The following CAMK1G variants were observed in gnomAD, a reference collection of about 807,000 sequenced individuals.
CAMK1G encodes the protein calcium/calmodulin dependent protein kinase IG, also known as calcium/calmodulin-dependent protein kinase type 1G.
In CAMK1G, 27 loss-of-function variants were observed where a neutral mutation model predicts 54.8. That is an observed-to-expected ratio of 0.49 (90% confidence interval 0.36 to 0.68). CAMK1G has a LOEUF of 0.68. Ranked by LOEUF, CAMK1G falls within the 30% of genes least tolerant of loss-of-function variation. The pLI, the probability that CAMK1G is intolerant of heterozygous loss-of-function variation, is 0.00. For missense variants in CAMK1G, 512 were observed against 591.0 expected (o/e 0.87, Z 1.39); for synonymous variants, 238 against 224.9 (o/e 1.06, Z -0.52).
rs1227708344 is a variant in CAMK1G at position 209,611,418 on chromosome 1, G to A, written c.828-47G>A. On this transcript the variant is annotated intron_variant, in intron 9 of 12. Transcript: ENST00000361322. The stretch of plus-strand genomic sequence containing the variant: ...GGCACCCTGCCCACTCCCTGGATGA[G>A]TGTAAATAGCCACCCAGTAGCCAGG... 14 of 1,579,620 alleles carry A rather than the reference G, an allele frequency of 8.9e-6. No homozygotes were observed. In the East Asian group the frequency reaches 2.9e-4, roughly 33 times the overall value.
chr1:209,606,227 G>A (rs868192880), intron 5 of CAMK1G, 93 bp from the exon 6 acceptor site: 1 of 1,520,814 alleles, frequency 6.6e-7, no homozygotes, highest in Non-Finnish European at 9.0e-7. Flanking sequence ...CAGGAGCCCA[G>A]GGCTCATCTT....
At position 209,611,887 on chromosome 1, in the gene CAMK1G, G is replaced by A. The variant is rs142610896; in HGVS notation, c.1011G>A (p.Pro337=). 2.2e-5 allele frequency: 35 copies of A among 1,614,122 alleles called. No individual in the cohort carries two copies. The highest frequency in any genetic ancestry group is 1.5e-4 in the African/African-American group (11 of 74,942). Residue 337 remains proline (P), a synonymous_variant, in exon 11 of 13, where the codon CCG becomes CCA. Coordinates refer to ENST00000361322, the MANE Select transcript of CAMK1G (RefSeq NM_020439.3). ...PGVRPEVENR[P]PETQASETSR... ...TCCGCCCAGAGGTGGAGAACAGGCCGCCTGAAACTCAAGCCTCAGAAACCT... is the reference window on the plus strand; with the variant it reads ...TCCGCCCAGAGGTGGAGAACAGGCCACCTGAAACTCAAGCCTCAGAAACCT...
chr1:209,593,676 T>C (rs891494351), intron 1 of CAMK1G, among the ~76,000 whole-genome samples: 4 of 116,138 alleles, frequency 3.4e-5, no homozygotes, highest in Non-Finnish European at 8.4e-5. Context: ...TGTAGATAAC[T>C]GGACTCCCAG....
At chr1:209,608,442 A>G (rs1339881471) in intron 7 of CAMK1G, among the ~76,000 whole-genome samples, 2 of 151,832 alleles carry the variant, frequency 1.3e-5, no homozygotes, top group Non-Finnish European at 2.9e-5. Context: ...CCTCTTCCCC[A>G]CCATCCCTCC....
intron 1 of CAMK1G, chr1:209,584,024 A>G (rs983213710): frequency 6.6e-6 from 1 of 152,222 alleles, no homozygotes; most frequent in Non-Finnish European, 1.5e-5. Context: ...TCATGGAAGC[A>G]TTTTGCCCTT....
rs748026804 is a variant in CAMK1G, at chr1:209,595,004, T to C, written c.21T>C (p.Asp7=). The C allele has an allele frequency of 1.9e-6, 3 of 1,613,940 alleles. No individual in the cohort carries two copies. Among genetic ancestry groups the C allele is most frequent in the Admixed American group, 1.7e-5 (1 of 59,986 alleles). The change falls in exon 2 of 13, where the codon GAT becomes GAC. Residue 7 remains aspartate (D), a synonymous_variant. Transcript: ENST00000361322. MGRKEE[D]DCSSWKKQTT... ...AGGCAATGGGTCGAAAGGAAGAAGA[T>C]GACTGCAGTTCCTGGAAGAAACAGA...
intron 1 of CAMK1G, among the ~76,000 whole-genome samples, chr1:209,587,698 C>T (rs1369605805): frequency 5.9e-5 from 9 of 152,016 alleles, no homozygotes; most frequent in Admixed American, 2.0e-4. Context: ...TGCACAGCTA[C>T]GGGATATCAA....
chr1:209,600,183 G>T, intron 3 of CAMK1G, 72 bp downstream of exon 3: 4 of 1,549,848 alleles, frequency 2.6e-6, no homozygotes, highest in Non-Finnish European at 3.5e-6. Context: ...CCTTCAAAAA[G>T]GACTAGGACT....
At chr1:209,605,436 T>C in intron 4 of CAMK1G, 100 bp from the exon 5 acceptor site, 1 of 1,418,794 alleles carries the variant, frequency 7.0e-7, no homozygotes, top group Non-Finnish European at 9.6e-7. Flanking sequence ...GGCCTGCCTG[T>C]TCCACTGCAG....
At chr1:209,597,415 T>C (rs1373663282) in intron 2 of CAMK1G, among the ~76,000 whole-genome samples, 1 of 152,206 alleles carries the variant, frequency 6.6e-6, no homozygotes, top group East Asian at 1.9e-4. Flanking sequence ...CCAATACTAA[T>C]CTTAGTGCCT....
intron 2 of CAMK1G, among the ~76,000 whole-genome samples, chr1:209,599,130 A>G (rs1334870387): frequency 6.6e-6 from 1 of 152,114 alleles, no homozygotes; most frequent in African/African-American, 2.4e-5. Context: ...CCCTTATAAA[A>G]CCATCAGATC....
chr1:209,593,224 A>T (rs1248775802), intron 1 of CAMK1G, among the ~76,000 whole-genome samples: 1 of 152,256 alleles, frequency 6.6e-6, no homozygotes, highest in African/African-American at 2.4e-5. Flanking sequence ...TCTTCACTTA[A>T]TGCTGAATTG....
At chr1:209,603,341 G>T (rs538746229) in intron 4 of CAMK1G, 53 bp downstream of exon 4, 4 of 1,460,210 alleles carry the variant, frequency 2.7e-6, no homozygotes, top group South Asian at 2.3e-5. Flanking sequence ...GGCCTGGGAG[G>T]CCTACAGGAG....
rs1665623880 is a variant in CAMK1G, at chr1:209,605,416, A to G, written c.297-120A>G. ...AGTCTGCTGGCAGCCCTTCAATCACAGTTCATGGGGGCCTGCCTGTTCCAC... is the reference window on the plus strand; with the variant it reads ...AGTCTGCTGGCAGCCCTTCAATCACGGTTCATGGGGGCCTGCCTGTTCCAC... On this transcript the variant is annotated intron_variant, in intron 4 of 12. Transcript: ENST00000361322. 4.2e-6 allele frequency: 5 copies of G among 1,204,232 alleles called. No individual in the cohort carries two copies. In the South Asian group the frequency reaches 7.6e-5, roughly 18 times the overall value. 74.6% of individuals were successfully genotyped at this position (1,204,232 alleles called of 1,614,324 possible). A position where few individuals can be genotyped will look rare whatever the true frequency, so the allele number is the denominator to read the frequency against.
At chr1:209,599,944 C>T (rs1178094681) in intron 2 of CAMK1G, 39 bp from the exon 3 acceptor site, 2 of 1,608,374 alleles carry the variant, frequency 1.2e-6, no homozygotes, top group South Asian at 2.2e-5. Context: ...AAGATGTCTG[C>T]CCCCTACTAA....
intron 9 of CAMK1G, among the ~76,000 whole-genome samples, chr1:209,611,002 G>A (rs1665767009): frequency 6.6e-6 from 1 of 152,166 alleles, no homozygotes; most frequent in African/African-American, 2.4e-5. Context: ...TGAGCTAAAG[G>A]ATGGTGACTA....
chr1:209,612,716 C>CTCTG, intron 11 of CAMK1G, 69 bp from the exon 12 acceptor site: 1 of 1,329,050 alleles, frequency 7.5e-7, no homozygotes, highest in Non-Finnish European at 1.1e-6. Context: ...GAACTACCAC[C>CTCTG]TCTGCCCTGC....
intron 5 of CAMK1G, among the ~76,000 whole-genome samples, chr1:209,605,879 T>C (rs1322602056): frequency 6.6e-6 from 1 of 152,204 alleles, no homozygotes; most frequent in Non-Finnish European, 1.5e-5. Flanking sequence ...AAACTTTCAC[T>C]ATGCCTTACC....
chr1:209,599,420 C>T (rs1558138106), intron 2 of CAMK1G, among the ~76,000 whole-genome samples: 2 of 152,226 alleles, frequency 1.3e-5, no homozygotes, highest in Admixed American at 1.3e-4. Context: ...ACAATTTCTC[C>T]CATCTGCCTT....
Sources: allele counts gnomAD v4.1 joint callset (sites outside exome capture counted in the v4.1 genomes callset), GRCh38; gene constraint gnomAD v4.1.1; transcripts MANE v1.5; gene names NCBI Gene and HGNC (gene_info 2026-07-23, HGNC 2026-07-21).